The following ZNF138 variants were observed in gnomAD, a reference collection of about 807,000 sequenced individuals.
The protein encoded by ZNF138 is zinc finger protein 138, also known as zinc finger protein 138 (clone pHZ-32).
In ZNF138, 33 loss-of-function variants were observed where a neutral mutation model predicts 33.0. The observed-to-expected ratio is 1.00, with a 90% CI of 0.76 to 1.34. The LOEUF (loss-of-function observed/expected upper bound fraction) is 1.34, where lower values mean the gene tolerates loss of function less well. ZNF138 is among the 40% of genes most tolerant of loss of function. The pLI is 0.00. For synonymous variants in ZNF138, 139 were observed against 120.4 expected (o/e 1.15, Z -1.01); for missense variants, 360 against 370.8 (o/e 0.97, Z 0.24).
chr7:64,850,223 C>T, the ZNF138 span, among the ~76,000 whole-genome samples: 1 of 152,234 alleles, frequency 6.6e-6, no homozygotes, highest in Non-Finnish European at 1.5e-5. Flanking sequence ...TTCAGGTTCC[C>T]CAGTGAGGGT....
At chr7:64,831,157 G>A (rs889301102) in intron 3 of ZNF138, 20 of 1,502,646 alleles carry the variant, frequency 1.3e-5, no homozygotes, top group Middle Eastern at 1.8e-4. Flanking sequence ...ATGTTATATC[G>A]GGGAACAGAA....
chr7:64,794,679 C>T (rs1786544789), intron 1 of ZNF138, 108 bp downstream of exon 1: 2 of 1,533,386 alleles, frequency 1.3e-6, no homozygotes, highest in Non-Finnish European at 1.8e-6. Context: ...GCTGCAAAAT[C>T]CGCGGCCCCG....
intron 3 of ZNF138, chr7:64,830,888 C>T: frequency 2.0e-6 from 3 of 1,488,164 alleles, no homozygotes; most frequent in South Asian, 1.4e-5. Flanking sequence ...ATTCTTGTTT[C>T]ATCTTAATAG....
chr7:64,827,283 T>C (rs983561533), intron 3 of ZNF138, among the ~76,000 whole-genome samples: 1 of 151,232 alleles, frequency 6.6e-6, no homozygotes, highest in Non-Finnish European at 1.5e-5. Context: ...AGTCTCACTC[T>C]GTCACCCAGG....
At chr7:64,847,948 C>T in the ZNF138 span, among the ~76,000 whole-genome samples, 1 of 151,652 alleles carries the variant, frequency 6.6e-6, no homozygotes. Context: ...TTTTATAGGT[C>T]CTGTGAGATT....
chr7:64,837,325 T>C (rs1339237068), downstream of ZNF138, among the ~76,000 whole-genome samples: 1 of 152,094 alleles, frequency 6.6e-6, no homozygotes, highest in Non-Finnish European at 1.5e-5. Flanking sequence ...TGGAGGTCTT[T>C]TACTAGTACC....
intron 3 of ZNF138, among the ~76,000 whole-genome samples, chr7:64,824,406 G>T (rs1186128130): frequency 1.3e-5 from 2 of 152,144 alleles, no homozygotes; most frequent in Non-Finnish European, 2.9e-5. Flanking sequence ...CAAACTGTGA[G>T]CAAATAAACC....
At chr7:64,847,337 T>A in the ZNF138 span, among the ~76,000 whole-genome samples, 2,505 of 128,962 alleles carry the variant, frequency 0.019, 25 homozygotes, top group African/African-American at 0.04. Flanking sequence ...TATATATTTT[T>A]TTTTTTTTTT....
At chr7:64,859,288 T>A in the ZNF138 span, among the ~76,000 whole-genome samples, 1 of 152,188 alleles carries the variant, frequency 6.6e-6, no homozygotes. Context: ...TTTTATTAGT[T>A]ATTATTGTGT....
chr7:64,831,450 G>A lies in ZNF138; in HGVS notation c.209-1G>A. The A allele has an allele frequency of 6.5e-7, 1 of 1,541,346 alleles. No individual in the cohort carries two copies. The highest frequency in any genetic ancestry group is 1.3e-5 in the South Asian group (1 of 76,590). On this transcript the variant is annotated splice_acceptor_variant, in intron 3 of 3. Coordinates refer to ENST00000307355, the MANE Select transcript of ZNF138 (RefSeq NM_001271639.2). LOFTEE classifies it high-confidence loss of function. Reference sequence around the variant, plus strand: ...AATTTGTTATTTTTTGTTTCTTTCAGCTCTGTGTTCTCGTTTTGCCCAAGA... The same window carrying A: ...AATTTGTTATTTTTTGTTTCTTTCAACTCTGTGTTCTCGTTTTGCCCAAGA...
downstream of ZNF138, chr7:64,836,019 GT>G (rs1352997039): frequency 1.3e-5 from 2 of 152,254 alleles, no homozygotes; most frequent in Non-Finnish European, 2.9e-5. Flanking sequence ...TACCAGTTGA[GT>G]TAAGAACTTT....
intron 3 of ZNF138, among the ~76,000 whole-genome samples, chr7:64,828,265 G>T (rs1789808282): frequency 1.3e-5 from 2 of 151,680 alleles, no homozygotes; most frequent in African/African-American, 4.8e-5. Context: ...ATTCAGTTTA[G>T]TCATCTTAAT....
the ZNF138 span, among the ~76,000 whole-genome samples, chr7:64,844,909 A>G: frequency 4.6e-5 from 7 of 151,914 alleles, no homozygotes; most frequent in African/African-American, 1.7e-4. Flanking sequence ...CTGGTCTCGA[A>G]CCCCTGACCT....
chr7:64,821,234 C>G (rs6943633), intron 3 of ZNF138, among the ~76,000 whole-genome samples: 1 of 150,214 alleles, frequency 6.7e-6, no homozygotes, highest in South Asian at 2.1e-4. Context: ...GGACTACAGG[C>G]GCTTGCCACC....
At chr7:64,857,890 G>A in the ZNF138 span, among the ~76,000 whole-genome samples, 12 of 152,270 alleles carry the variant, frequency 7.9e-5, no homozygotes, top group Admixed American at 7.8e-4. Context: ...AAAGGAGGGT[G>A]ATATAAATTG....
intron 1 of ZNF138, among the ~76,000 whole-genome samples, chr7:64,808,427 G>T (rs1787788471): frequency 6.6e-6 from 1 of 152,112 alleles, no homozygotes; most frequent in Admixed American, 6.6e-5. Context: ...ACTAGCAACT[G>T]AATACATGGT....
chr7:64,812,854 T>G (rs1788289666), intron 1 of ZNF138, among the ~76,000 whole-genome samples: 1 of 147,534 alleles, frequency 6.8e-6, no homozygotes, highest in African/African-American at 2.5e-5. Context: ...AATTGCCTTT[T>G]TTTTTTTTTT....
intron 1 of ZNF138, among the ~76,000 whole-genome samples, chr7:64,805,916 G>T (rs1261638508): frequency 6.6e-6 from 1 of 152,338 alleles, no homozygotes; most frequent in Non-Finnish European, 1.5e-5. Context: ...ATGACATGGT[G>T]TTGTAAATTC....
the ZNF138 span, among the ~76,000 whole-genome samples, chr7:64,839,076 C>T: frequency 0.017 from 2,513 of 152,246 alleles, 34 homozygotes; most frequent in Non-Finnish European, 0.024. Flanking sequence ...CTGACGAGAG[C>T]GGAGGTCCCA....
Sources: gnomAD v4.1 joint callset for allele counts (sites outside exome capture counted in the v4.1 genomes callset) on GRCh38, gnomAD v4.1.1 for gene constraint, MANE v1.5 for transcripts, NCBI Gene and HGNC (gene_info 2026-07-23, HGNC 2026-07-21) for gene names.